ERCC6L: variants seen among roughly 807,000 people sequenced by gnomAD.
ERCC6L encodes ERCC excision repair 6 like, spindle assembly checkpoint helicase, also known as DNA excision repair protein ERCC-6-like.
Under a neutral mutation model 20.1 loss-of-function variants are expected in ERCC6L, and 7 were observed. The observed-to-expected ratio is 0.35, with a 90% confidence interval of 0.20 to 0.65. The LOEUF is 0.65. ERCC6L is among the 30% of genes least tolerant of loss of function. The pLI is 0.69. For missense variants in ERCC6L, 592 were observed against 892.4 expected, an observed-to-expected ratio of 0.66 and a Z score of 4.29; for synonymous variants, 278 against 331.3, an observed-to-expected ratio of 0.84 and a Z score of 1.75.
intron 1 of ERCC6L, among the ~76,000 whole-genome samples, chrX:72,233,921 C>A (rs1375103218): frequency 1.9e-4 from 21 of 107,930 alleles, no homozygotes; most frequent in Non-Finnish European, 3.6e-4. Context: ...TTGAGGCCAG[C>A]CTGGCCAACA....
intron 1 of ERCC6L, among the ~76,000 whole-genome samples, chrX:72,221,618 T>G (rs766416787): frequency 9.0e-6 from 1 of 111,619 alleles, no homozygotes; most frequent in Non-Finnish European, 1.9e-5. Context: ...TTTAGTCTTT[T>G]ATTGCAACAT....
chrX:72,205,573 T>C lies in ERCC6L; in HGVS notation c.3194A>G (p.Lys1065Arg). 1 of 1,211,471 alleles carries C rather than the reference T, an allele frequency of 8.3e-7. No individual in the cohort carries two copies. The highest frequency in any genetic ancestry group is 1.1e-6 in the Non-Finnish European group (1 of 895,024). ...SVKQFDASTP[K>R]NDISPPGRFF... is the part of the protein sequence containing the mutation. ...CCTTCCTGGTGGACTGATGTCATTTTTGGGAGTTGAAGCATCAAATTGTTT... is the reference window on the plus strand; with the variant it reads ...CCTTCCTGGTGGACTGATGTCATTTCTGGGAGTTGAAGCATCAAATTGTTT... The change falls in exon 2 of 2, where the codon AAA becomes AGA. Residue 1065 changes from lysine to arginine, a missense_variant. Around this residue, in one of 3 missense-constraint regions of ERCC6L, gnomAD observed 352 missense variants for 402.6 expected, o/e 0.87. Coordinates refer to ENST00000334463, the MANE Select transcript of ERCC6L (RefSeq NM_017669.4).
chrX:72,212,194 G>A (rs2042859098), intron 1 of ERCC6L, among the ~76,000 whole-genome samples: 1 of 109,611 alleles, frequency 9.1e-6, no homozygotes, highest in Admixed American at 9.7e-5. Context: ...TGAGAATCAC[G>A]TGAAAGGCGG....
chrX:72,218,759 G>A (rs1285219536), intron 1 of ERCC6L, among the ~76,000 whole-genome samples: 1 of 111,615 alleles, frequency 9.0e-6, no homozygotes, highest in Non-Finnish European at 1.9e-5. Context: ...TCTTAGATGT[G>A]GCATTAGAAT....
rs2042809554 is a variant in ERCC6L, at chrX:72,205,166, C to T, written c.3601G>A (p.Glu1201Lys). 2 of 1,211,751 alleles carry T rather than the reference C, an allele frequency of 1.7e-6. No homozygotes were observed. The highest frequency in any genetic ancestry group is 2.2e-6 in the Non-Finnish European group (2 of 895,544). ...TCTTTTCCACGCTTTACAAGAGTCT[C>T]ATAGTCATTTGTAGCCTCTGCCGCC... ...DKAAEATNDY[E>K]TLVKRGKELK... The change falls in exon 2 of 2, where the codon GAG becomes AAG. Residue 1201 changes from glutamate (E) to lysine (K), a missense_variant. Transcript: ENST00000334463.
At position 72,208,704 on chromosome X, in the gene ERCC6L, GA is replaced by G. The variant is rs766001388; in HGVS notation, c.69-7del. 15 of 1,115,574 alleles carry G rather than the reference GA, an allele frequency of 1.3e-5. No homozygotes were observed. Among genetic ancestry groups the G allele is most frequent in the South Asian group, 6.4e-5 (3 of 46,831 alleles). 91.9% of individuals were successfully genotyped at this position (1,115,574 alleles called of 1,213,427 possible). A position where few individuals can be genotyped will look rare whatever the true frequency, so the allele number is the denominator to read the frequency against. ...CTTTGGCCTCTTTCACATATCTATA[GA>G]AAAAAAAAGAAGAAGAGGAGAAAGG... On this transcript the variant is annotated splice_polypyrimidine_tract_variant and splice_region_variant and intron_variant, in intron 1 of 1. Coordinates refer to ENST00000334463, the MANE Select transcript of ERCC6L (RefSeq NM_017669.4).
chrX:72,218,524 C>T (rs767963468), intron 1 of ERCC6L, among the ~76,000 whole-genome samples: 5 of 103,812 alleles, frequency 4.8e-5, no homozygotes, highest in East Asian at 3.1e-4. Context: ...ACAAGAGTCT[C>T]GCTCTGTCAC....
chrX:72,218,474 A>G (rs2042899884), intron 1 of ERCC6L, among the ~76,000 whole-genome samples: 1 of 106,019 alleles, frequency 9.4e-6, no homozygotes, highest in Non-Finnish European at 1.9e-5. Context: ...GGCTTTTATA[A>G]TAGTTTGTCA....
At chrX:72,230,725 G>A (rs930340067) in intron 1 of ERCC6L, among the ~76,000 whole-genome samples, 1 of 112,026 alleles carries the variant, frequency 8.9e-6, no homozygotes, top group Non-Finnish European at 1.9e-5. Flanking sequence ...CACTTTGGGA[G>A]GCCTAGGGTG....
intron 1 of ERCC6L, among the ~76,000 whole-genome samples, chrX:72,231,421 G>A (rs2042982552): frequency 9.0e-6 from 1 of 111,500 alleles, no homozygotes; most frequent in East Asian, 2.8e-4. Context: ...GGGTAGATGG[G>A]GAAAGGAGAA....
chrX:72,217,162 T>C (rs1482400682), intron 1 of ERCC6L, among the ~76,000 whole-genome samples: 1 of 112,097 alleles, frequency 8.9e-6, no homozygotes, highest in Non-Finnish European at 1.9e-5. Flanking sequence ...TTCCTGTTTA[T>C]TCTGGCAGAA....
At chrX:72,224,027 C>T (rs1279285958) in intron 1 of ERCC6L, among the ~76,000 whole-genome samples, 1 of 111,431 alleles carries the variant, frequency 9.0e-6, no homozygotes, top group Non-Finnish European at 1.9e-5. Context: ...GAAATATCTT[C>T]ACTGCTGGTA....
chrX:72,227,483 C>G (rs1197264935), intron 1 of ERCC6L, among the ~76,000 whole-genome samples: 1 of 112,139 alleles, frequency 8.9e-6, no homozygotes, highest in African/African-American at 3.2e-5. Context: ...CACATAAACC[C>G]TTAATGCTCA....
intron 1 of ERCC6L, among the ~76,000 whole-genome samples, chrX:72,232,629 C>T (rs773470255): frequency 1.9e-4 from 21 of 110,612 alleles, no homozygotes; most frequent in Non-Finnish European, 3.2e-4. Flanking sequence ...GCTAACATGA[C>T]GAAACCCCGT....
chrX:72,214,672 C>CA (rs58451189), intron 1 of ERCC6L, among the ~76,000 whole-genome samples: 6,399 of 41,694 alleles, frequency 0.15, 576 homozygotes, highest in East Asian at 0.52. Context: ...GACTCCATCT[C>CA]AAAAAAAAAA....
intron 1 of ERCC6L, among the ~76,000 whole-genome samples, chrX:72,219,801 G>A (rs558958692): frequency 9.7e-6 from 1 of 103,332 alleles, no homozygotes. Context: ...GCGAGTCAAG[G>A]TTGCGCCACT....
At chrX:72,231,463 A>G (rs2042982951) in intron 1 of ERCC6L, among the ~76,000 whole-genome samples, 2 of 111,685 alleles carry the variant, frequency 1.8e-5, no homozygotes, top group South Asian at 7.5e-4. Flanking sequence ...TTTCAGTTAA[A>G]CAGGAGGAAT....
intron 1 of ERCC6L, among the ~76,000 whole-genome samples, chrX:72,216,087 G>C (rs758964669): frequency 9.0e-6 from 1 of 110,612 alleles, no homozygotes. Context: ...CCTGGAGCCC[G>C]TGAATGTGAC....
At chrX:72,228,202 C>T (rs748813101) in intron 1 of ERCC6L, among the ~76,000 whole-genome samples, 14 of 112,327 alleles carry the variant, frequency 1.2e-4, no homozygotes, top group East Asian at 8.4e-4. Context: ...CTCCTTTGTT[C>T]GGTGTACTCT....
Sources: allele counts gnomAD v4.1 joint callset (sites outside exome capture counted in the v4.1 genomes callset), GRCh38; gene constraint gnomAD v4.1.1; regional missense constraint gnomAD v4.1.1; transcripts MANE v1.5; gene names NCBI Gene and HGNC (gene_info 2026-07-23, HGNC 2026-07-21).